The following FGGY variants were observed in gnomAD, a reference collection of about 807,000 sequenced individuals.
FGGY encodes the protein FGGY carbohydrate kinase domain containing, also known as FGGY carbohydrate kinase domain-containing protein.
Under a neutral mutation model 71.3 loss-of-function variants are expected in FGGY, and 72 were observed. The observed-to-expected ratio is 1.01, with a 90% CI of 0.84 to 1.23. FGGY has a LOEUF of 1.23. Ranked by LOEUF, FGGY falls within the 50% of genes most tolerant of loss-of-function variation. The pLI, the probability that FGGY is intolerant of heterozygous loss-of-function variation, is 0.00. For missense variants in FGGY, 668 were observed against 682.3 expected (o/e 0.98, Z 0.23); for synonymous variants, 251 against 250.3 (o/e 1.00, Z -0.02).
chr1:59,381,524 G>A (rs2059443050), intron 5 of FGGY, among the ~76,000 whole-genome samples: 1 of 151,986 alleles, frequency 6.6e-6, no homozygotes, highest in Admixed American at 6.6e-5. Context: ...TCATCAAGAT[G>A]TCACTAGGTG....
intron 6 of FGGY, among the ~76,000 whole-genome samples, chr1:59,506,247 A>T (rs1157517208): frequency 6.6e-6 from 1 of 152,216 alleles, no homozygotes; most frequent in Non-Finnish European, 1.5e-5. Flanking sequence ...ACATTAGAGA[A>T]GAGTACCCTA....
chr1:59,309,218 T>C (rs1301681447), intron 1 of FGGY, among the ~76,000 whole-genome samples: 2 of 152,222 alleles, frequency 1.3e-5, no homozygotes, highest in Non-Finnish European at 2.9e-5. Context: ...ATTATCAAAA[T>C]TTTCCAGTTC....
In FGGY at chr1:59,340,070, G is replaced by C; in HGVS notation, c.313+1G>C. The C allele has an allele frequency of 1.3e-6, 2 of 1,599,148 alleles. No homozygotes were observed. The highest frequency in any genetic ancestry group is 1.7e-6 in the Non-Finnish European group (2 of 1,168,554). On this transcript the variant is annotated splice_donor_variant, in intron 3 of 15. Transcript: ENST00000303721. LOFTEE classifies it high-confidence loss of function. ...CACCCATTACCAGTCAACCAGGAAGGTAAGACCATGTCTCTTCCTTTTCCC... is the reference window on the plus strand; with the variant it reads ...CACCCATTACCAGTCAACCAGGAAGCTAAGACCATGTCTCTTCCTTTTCCC...
intron 14 of FGGY, among the ~76,000 whole-genome samples, chr1:59,753,432 G>C (rs1351281258): frequency 7.1e-6 from 1 of 140,044 alleles, no homozygotes; most frequent in Non-Finnish European, 1.5e-5. Context: ...AGGTGAGCCC[G>C]AGTCATTTTG....
intron 1 of FGGY, chr1:59,318,758 C>A (rs2045897004): frequency 6.6e-6 from 1 of 152,236 alleles, no homozygotes; most frequent in African/African-American, 2.4e-5. Flanking sequence ...CTATTTATTT[C>A]TTTGTTTCTT....
intron 8 of FGGY, among the ~76,000 whole-genome samples, chr1:59,564,353 AC>A (rs1382545357): frequency 3.3e-5 from 5 of 152,096 alleles, no homozygotes; most frequent in African/African-American, 1.2e-4. Flanking sequence ...GGCTCTAACC[AC>A]AGAAAAGCCA....
chr1:59,611,812 A>T (rs1304127414), intron 9 of FGGY, among the ~76,000 whole-genome samples: 1 of 152,228 alleles, frequency 6.6e-6, no homozygotes, highest in Admixed American at 6.5e-5. Context: ...AAAGGACCTG[A>T]TGGAGCTGAA....
chr1:59,659,949 TA>T, intron 11 of FGGY, among the ~76,000 whole-genome samples: 1 of 152,340 alleles, frequency 6.6e-6, no homozygotes, highest in Non-Finnish European at 1.5e-5. Context: ...AATTATCGTC[TA>T]AGAAATATCA....
intron 5 of FGGY, among the ~76,000 whole-genome samples, chr1:59,390,860 A>G (rs1052461591): frequency 6.6e-6 from 1 of 152,186 alleles, no homozygotes; most frequent in African/African-American, 2.4e-5. Context: ...AATCTGAGCA[A>G]TGTAACTCAC....
intron 8 of FGGY, among the ~76,000 whole-genome samples, chr1:59,580,230 A>T (rs1375837613): frequency 6.6e-6 from 1 of 152,178 alleles, no homozygotes; most frequent in Non-Finnish European, 1.5e-5. Flanking sequence ...TTCCATGAAG[A>T]CAGAACTTTG....
At chr1:59,519,624 C>T (rs2153644427) in intron 7 of FGGY, among the ~76,000 whole-genome samples, 1 of 152,244 alleles carries the variant, frequency 6.6e-6, no homozygotes, top group African/African-American at 2.4e-5. Context: ...AAAATAATAA[C>T]ATTGTTAATT....
chr1:59,676,452 C>T (rs2097436037), intron 14 of FGGY, among the ~76,000 whole-genome samples: 1 of 151,306 alleles, frequency 6.6e-6, no homozygotes, highest in Non-Finnish European at 1.5e-5. Context: ...TAGTCTGTAG[C>T]TCAAACAGAG....
At chr1:59,452,105 C>G (rs1394392391) in intron 5 of FGGY, among the ~76,000 whole-genome samples, 8 of 148,072 alleles carry the variant, frequency 5.4e-5, no homozygotes, top group East Asian at 2.0e-4. Context: ...TTCCTTTTCT[C>G]TCTCCTAAAA....
intron 8 of FGGY, among the ~76,000 whole-genome samples, chr1:59,599,785 AG>A (rs2096559937): frequency 3.3e-5 from 5 of 152,002 alleles, no homozygotes; most frequent in Non-Finnish European, 4.4e-5. Context: ...ATGAACACTA[AG>A]AGTTGAGAAA....
intron 7 of FGGY, among the ~76,000 whole-genome samples, chr1:59,525,582 A>T (rs1412693917): frequency 6.6e-6 from 1 of 152,210 alleles, no homozygotes; most frequent in East Asian, 1.9e-4. Flanking sequence ...GATTAATGTG[A>T]TTGCAGTAAA....
chr1:59,298,398 C>T (rs1044769459), intron 1 of FGGY, among the ~76,000 whole-genome samples: 1 of 152,286 alleles, frequency 6.6e-6, no homozygotes, highest in Non-Finnish European at 1.5e-5. Flanking sequence ...GGTTGGGAGC[C>T]TGCCTGGCTG....
At chr1:59,696,169 G>T (rs2097656919) in intron 14 of FGGY, among the ~76,000 whole-genome samples, 1 of 152,034 alleles carries the variant, frequency 6.6e-6, no homozygotes, top group Non-Finnish European at 1.5e-5. Context: ...AGCCAAAAAT[G>T]GAGATAAAAT....
rs1385049451 is a variant in FGGY at position 59,757,913 on chromosome 1, T to C, written c.1513-18T>C. 6.2e-7 allele frequency: 1 copy of C among 1,605,420 alleles called. No homozygotes were observed. Among genetic ancestry groups the C allele is most frequent in the South Asian group, 1.1e-5 (1 of 90,348 alleles). On this transcript the variant is annotated intron_variant, in intron 14 of 15. Transcript: ENST00000303721. The stretch of plus-strand genomic sequence containing the variant: ...TCGCTTTCCAACTCAGCTGTCTATG[T>C]TGTTTTCCATTTAATAGGAAGCAAT...
chr1:59,368,171 G>A (rs183928576), intron 4 of FGGY, among the ~76,000 whole-genome samples: 17 of 152,246 alleles, frequency 1.1e-4, no homozygotes, highest in South Asian at 2.1e-4. Context: ...GGTGTGTGTC[G>A]AGGGCCTGCT....
Sources: gnomAD v4.1 joint callset for allele counts (sites outside exome capture counted in the v4.1 genomes callset) on GRCh38, gnomAD v4.1.1 for gene constraint, MANE v1.5 for transcripts, NCBI Gene and HGNC (gene_info 2026-07-23, HGNC 2026-07-21) for gene names.